PRR16: variants seen among roughly 807,000 people sequenced by gnomAD.
PRR16 encodes the protein protein Largen.
A neutral mutation model predicts 18.2 loss-of-function variants in PRR16; 6 were observed. The ratio of observed to expected loss-of-function variants is 0.33; its 90% CI spans 0.18 to 0.65. PRR16 has a LOEUF of 0.65. Among genes scored for constraint, PRR16 ranks in the 30% least tolerant of loss-of-function variants. The probability of loss-of-function intolerance (pLI) is 0.74; values close to 1 mark genes in which losing one functional copy is unlikely to be tolerated. For missense variants in PRR16, 412 were observed against 376.6 expected, an observed-to-expected ratio of 1.09 and a Z score of -0.78; for synonymous variants, 151 against 147.8, an observed-to-expected ratio of 1.02 and a Z score of -0.16.
At chr5:120,710,750 T>C in the PRR16 span, 2 of 152,186 alleles carry the variant, frequency 1.3e-5, no homozygotes, top group Non-Finnish European at 2.9e-5. Context: ...CTTCAAGTCA[T>C]CATGGTGAGA....
At chr5:120,496,988 G>C (rs917022051) in intron 1 of PRR16, among the ~76,000 whole-genome samples, 7 of 151,952 alleles carry the variant, frequency 4.6e-5, no homozygotes, top group Non-Finnish European at 1.0e-4. Flanking sequence ...GTGTTGTATA[G>C]TTTCCACCAG....
chr5:120,613,375 T>TC (rs1469602705), intron 1 of PRR16, among the ~76,000 whole-genome samples: 1 of 151,750 alleles, frequency 6.6e-6, no homozygotes. Flanking sequence ...TAATTTATTT[T>TC]TTTTCTGTTT....
intron 1 of PRR16, among the ~76,000 whole-genome samples, chr5:120,576,944 G>A (rs1362638247): frequency 2.0e-5 from 3 of 151,706 alleles, no homozygotes; most frequent in Middle Eastern, 3.2e-3. Flanking sequence ...ATAAATATAT[G>A]TATATACACA....
At chr5:120,651,159 A>G (rs527334830) in intron 1 of PRR16, among the ~76,000 whole-genome samples, 1 of 152,038 alleles carries the variant, frequency 6.6e-6, no homozygotes, top group Non-Finnish European at 1.5e-5. Context: ...TCCTTCGCCC[A>G]CTTTTTGATG....
At chr5:120,541,779 C>A (rs1428272591) in intron 1 of PRR16, among the ~76,000 whole-genome samples, 1 of 152,070 alleles carries the variant, frequency 6.6e-6, no homozygotes, top group Non-Finnish European at 1.5e-5. Flanking sequence ...TAACTGGGGT[C>A]ATACAACTTT....
At chr5:120,549,259 C>A (rs952019522) in intron 1 of PRR16, among the ~76,000 whole-genome samples, 3 of 151,942 alleles carry the variant, frequency 2.0e-5, no homozygotes, top group African/African-American at 7.2e-5. Flanking sequence ...CTTCACCCAG[C>A]TAATTTTTTT....
At chr5:120,583,146 C>A (rs114371538) in intron 1 of PRR16, among the ~76,000 whole-genome samples, 221 of 152,268 alleles carry the variant, frequency 1.5e-3, no homozygotes, top group African/African-American at 5.1e-3. Flanking sequence ...AAGCTAAAGT[C>A]ATTTTGTCCT....
At chr5:120,669,461 G>A (rs1756516302) in intron 1 of PRR16, among the ~76,000 whole-genome samples, 1 of 151,820 alleles carries the variant, frequency 6.6e-6, no homozygotes, top group Admixed American at 6.6e-5. Context: ...ATTAACATTA[G>A]CCTTCTGGAA....
At chr5:120,727,328 C>T in the PRR16 span, among the ~76,000 whole-genome samples, 1 of 152,012 alleles carries the variant, frequency 6.6e-6, no homozygotes, top group Admixed American at 6.6e-5. Flanking sequence ...GAGGACTCCC[C>T]AGTTGGTGTC....
At chr5:120,486,859 A>C (rs1250440224) in intron 1 of PRR16, among the ~76,000 whole-genome samples, 2 of 152,202 alleles carry the variant, frequency 1.3e-5, no homozygotes, top group Non-Finnish European at 2.9e-5. Context: ...TCAGCTTTCT[A>C]CATATGGCTA....
intron 1 of PRR16, among the ~76,000 whole-genome samples, chr5:120,652,348 AT>A (rs1580835134): frequency 1.3e-5 from 2 of 152,140 alleles, no homozygotes; most frequent in East Asian, 3.9e-4. Context: ...TTGGAGTCAT[AT>A]AAGCTTGTTA....
chr5:120,747,304 C>T, the PRR16 span, among the ~76,000 whole-genome samples: 4 of 152,144 alleles, frequency 2.6e-5, no homozygotes, highest in African/African-American at 9.7e-5. Flanking sequence ...AGGCATGCTT[C>T]ATACATTCAA....
At chr5:120,595,371 A>C (rs189508593) in intron 1 of PRR16, among the ~76,000 whole-genome samples, 1 of 151,936 alleles carries the variant, frequency 6.6e-6, no homozygotes, top group East Asian at 1.9e-4. Context: ...ATTAGAGAAA[A>C]GCAAATCAAA....
chr5:120,512,108 C>A (rs1750845727), intron 1 of PRR16, among the ~76,000 whole-genome samples: 1 of 83,256 alleles, frequency 1.2e-5, no homozygotes, highest in Admixed American at 1.0e-4. Flanking sequence ...TACCACAGCG[C>A]TGCTGAATTT....
chr5:120,539,307 C>T (rs1378536662), intron 1 of PRR16, among the ~76,000 whole-genome samples: 2 of 150,106 alleles, frequency 1.3e-5, no homozygotes, highest in Admixed American at 6.6e-5. Context: ...AATATTTTCC[C>T]TGGAAGATTA....
At chr5:120,590,218 G>T (rs1488852371) in intron 1 of PRR16, among the ~76,000 whole-genome samples, 1 of 152,022 alleles carries the variant, frequency 6.6e-6, no homozygotes, top group Non-Finnish European at 1.5e-5. Flanking sequence ...GATCCTTCAG[G>T]ATCCAGCTCA....
chr5:120,597,701 G>T (rs543951943), intron 1 of PRR16, among the ~76,000 whole-genome samples: 1 of 151,758 alleles, frequency 6.6e-6, no homozygotes. Flanking sequence ...CTTAATTTCT[G>T]TAACTATAGT....
At chr5:120,684,361 A>G (rs1757056760) in intron 1 of PRR16, among the ~76,000 whole-genome samples, 1 of 152,160 alleles carries the variant, frequency 6.6e-6, no homozygotes, top group South Asian at 2.1e-4. Context: ...TAAAGTCTAT[A>G]TCCTGTCCAA....
At chr5:120,776,687 G>A in the PRR16 span, among the ~76,000 whole-genome samples, 1 of 152,010 alleles carries the variant, frequency 6.6e-6, no homozygotes, top group Non-Finnish European at 1.5e-5. Flanking sequence ...AGAGATAACA[G>A]ATATTGTTTA....
Sources: allele counts gnomAD v4.1 joint callset (sites outside exome capture counted in the v4.1 genomes callset), GRCh38; gene constraint gnomAD v4.1.1; transcripts MANE v1.5; gene names NCBI Gene and HGNC (gene_info 2026-07-23, HGNC 2026-07-21).